Variants in TENM4 observed in about 807,000 individuals in gnomAD.
TENM4 encodes teneurin-4.
Under a neutral mutation model 243.3 loss-of-function variants are expected in TENM4, and 82 were observed. That is an observed-to-expected ratio of 0.34 (90% CI 0.28 to 0.40). The LOEUF (loss-of-function observed/expected upper bound fraction) is 0.40. Among genes scored for constraint, TENM4 ranks in the 10% least tolerant of loss-of-function variants. TENM4 has a pLI of 1.00. For synonymous variants in TENM4, 1,412 were observed against 1,456.3 expected, an observed-to-expected ratio of 0.97 and a Z score of 0.69; for missense variants, 3,138 against 3,673.3, an observed-to-expected ratio of 0.85 and a Z score of 3.77.
rs779100178 is a variant in TENM4 at position 78,729,612 on chromosome 11, C to T, written c.3170G>A (p.Cys1057Tyr). 2.5e-5 allele frequency: 41 copies of T among 1,612,644 alleles called. No individual in the cohort carries two copies. The highest frequency in any genetic ancestry group is 3.2e-5 in the Non-Finnish European group (38 of 1,179,102). ...GCTCAGGTAGCTCAGCCTCATCTTG[C>T]AGCCAGAGATAGAGATTTCCTCCTG... ...ALQEEISISG[C>Y]KMRLSYLSSR... is the part of the protein sequence containing the mutation. The change falls in exon 22 of 34, where the codon TGC (cysteine) becomes TAC (tyrosine). Residue 1057 changes from cysteine to tyrosine, a missense_variant. Coordinates refer to ENST00000278550, the MANE Select transcript of TENM4 (RefSeq NM_001098816.3).
At chr11:79,165,872 C>A (rs905935173) in intron 3 of TENM4, among the ~76,000 whole-genome samples, 2 of 152,122 alleles carry the variant, frequency 1.3e-5, no homozygotes, top group Non-Finnish European at 2.9e-5. Flanking sequence ...GACAATTATC[C>A]AAGTACCATT....
At chr11:79,311,091 T>A (rs1039481485) in intron 1 of TENM4, among the ~76,000 whole-genome samples, 2 of 152,098 alleles carry the variant, frequency 1.3e-5, no homozygotes, top group South Asian at 4.1e-4. Context: ...ACAAGACGGG[T>A]CTTGGCGAAT....
intron 4 of TENM4, among the ~76,000 whole-genome samples, chr11:79,090,418 T>C (rs531834205): frequency 6.6e-6 from 1 of 152,374 alleles, no homozygotes; most frequent in East Asian, 1.9e-4. Flanking sequence ...CAGACACCCG[T>C]GCAGAAGAAA....
intron 1 of TENM4, among the ~76,000 whole-genome samples, chr11:79,344,316 T>C (rs1035725602): frequency 2.0e-5 from 3 of 152,062 alleles, no homozygotes; most frequent in African/African-American, 4.8e-5. Context: ...TGAGGGAAGA[T>C]ACGTCTCTTC....
chr11:79,042,158 C>T (rs139061453), intron 6 of TENM4, among the ~76,000 whole-genome samples: 1 of 152,308 alleles, frequency 6.6e-6, no homozygotes, highest in African/African-American at 2.4e-5. Context: ...TAGGCTGACT[C>T]TCTTCTAAGC....
In TENM4 at chr11:78,658,079, C is replaced by T; in HGVS notation, c.8289G>A (p.Gln2763=). The part of the protein sequence containing the change: ...DSANNIHFMR[Q]SEMGRR Reference sequence around the variant, plus strand: ...TCTGTCACCTCCGGCCCATCTCGCTCTGTCTCATGAAGTGGATGTTGTTGG... The same window carrying T: ...TCTGTCACCTCCGGCCCATCTCGCTTTGTCTCATGAAGTGGATGTTGTTGG... Residue 2763 remains glutamine, a synonymous_variant, in exon 34 of 34, where the codon CAG becomes CAA. Coordinates refer to ENST00000278550, the MANE Select transcript of TENM4 (RefSeq NM_001098816.3). 1.2e-6 allele frequency: 2 copies of T among 1,614,048 alleles called. No homozygotes were observed. The highest frequency in any genetic ancestry group is 8.5e-7 in the Non-Finnish European group (1 of 1,179,902).
chr11:78,782,213 C>G (rs1591019498), intron 16 of TENM4, among the ~76,000 whole-genome samples: 1 of 150,520 alleles, frequency 6.6e-6, no homozygotes, highest in East Asian at 2.0e-4. Flanking sequence ...AGTCCCAGCA[C>G]TTTGGGAGGC....
intron 1 of TENM4, among the ~76,000 whole-genome samples, chr11:79,318,351 A>G (rs1313792375): frequency 6.6e-6 from 1 of 152,222 alleles, no homozygotes; most frequent in Non-Finnish European, 1.5e-5. Flanking sequence ...TTTCAGCTCA[A>G]TATAATGAAG....
chr11:79,401,400 C>A (rs1472111008), intron 1 of TENM4, among the ~76,000 whole-genome samples: 3 of 152,180 alleles, frequency 2.0e-5, no homozygotes, highest in African/African-American at 7.2e-5. Flanking sequence ...AACCCCGGAG[C>A]CTCAGACTCT....
intron 1 of TENM4, among the ~76,000 whole-genome samples, chr11:79,393,219 A>G (rs1858272495): frequency 6.6e-6 from 1 of 152,158 alleles, no homozygotes; most frequent in African/African-American, 2.4e-5. Flanking sequence ...TGTGGAATAT[A>G]AGAGGAGTCT....
intron 6 of TENM4, among the ~76,000 whole-genome samples, chr11:79,033,370 CT>C (rs1859295696): frequency 1.3e-5 from 2 of 152,196 alleles, no homozygotes; most frequent in African/African-American, 4.8e-5. Flanking sequence ...GAATTAAGTT[CT>C]GTTTTCCTGT....
At chr11:79,190,747 T>C (rs1863462864) in intron 3 of TENM4, among the ~76,000 whole-genome samples, 1 of 151,978 alleles carries the variant, frequency 6.6e-6, no homozygotes, top group Non-Finnish European at 1.5e-5. Flanking sequence ...TCATTATAAT[T>C]ACAGTTTAAA....
intron 12 of TENM4, among the ~76,000 whole-genome samples, chr11:78,815,494 C>T (rs1435556635): frequency 2.6e-5 from 4 of 152,308 alleles, no homozygotes; most frequent in South Asian, 4.1e-4. Context: ...CTAACTCCTC[C>T]TAATACGTTT....
chr11:78,914,855 C>G (rs141759325), intron 6 of TENM4, among the ~76,000 whole-genome samples: 1 of 152,376 alleles, frequency 6.6e-6, no homozygotes, highest in Non-Finnish European at 1.5e-5. Context: ...CAGGTCCTCA[C>G]TGGTGGAGAG....
intron 12 of TENM4, among the ~76,000 whole-genome samples, chr11:78,843,507 G>A (rs1489892303): frequency 2.0e-5 from 3 of 151,824 alleles, no homozygotes; most frequent in Non-Finnish European, 4.4e-5. Flanking sequence ...AAAAAAACAA[G>A]AAATAGTTTA....
At chr11:79,335,141 G>C (rs565225414) in intron 1 of TENM4, among the ~76,000 whole-genome samples, 89 of 152,312 alleles carry the variant, frequency 5.8e-4, no homozygotes, top group African/African-American at 2.1e-3. Context: ...GCTCCCGGAG[G>C]ACAGGGATTG....
Position 79,064,813 on chromosome 11 carries a change from G to A in TENM4, c.418C>T (p.Arg140Cys), listed in dbSNP as rs1303990981. ...GCCCGGCTGGACAGGCAGGAGCTGC[G>A]CCCTGACCGTGTGCTCCGGCCCCAC... Reference protein sequence around the residue: ...RLWGRSTRSGRSSCLSSRANS... With the variant: ...RLWGRSTRSGCSSCLSSRANS... Residue 140 changes from arginine (R) to cysteine (C), a missense_variant, in exon 6 of 34, where the codon CGC becomes TGC. Physicochemically the swap from Arg to Cys is radical, Grantham distance 180. This residue lies in a region of TENM4 where 671 missense variants were observed against 614.1 expected (regional missense o/e 1.09). Coordinates refer to ENST00000278550, the MANE Select transcript of TENM4 (RefSeq NM_001098816.3). 22 of 1,551,462 alleles carry A rather than the reference G, an allele frequency of 1.4e-5. No individual in the cohort carries two copies. The highest frequency in any genetic ancestry group is 5.9e-5 in the Admixed American group (3 of 50,992).
In TENM4 at chr11:78,668,725, G is replaced by T. The variant is rs186111938; in HGVS notation, c.7408+212C>A. On this transcript the variant is annotated intron_variant, in intron 32 of 33. Transcript: ENST00000278550. Reference sequence around the variant, plus strand: ...GTACTATGAAAATGTAATAATGGTGGTGACCCTGACAAATTTATTTGATGC... The same window carrying T: ...GTACTATGAAAATGTAATAATGGTGTTGACCCTGACAAATTTATTTGATGC... 2.8e-3 allele frequency among the ~76,000 whole-genome samples: 425 copies of T among 152,254 alleles called. 5 individuals carry two copies. The highest frequency in any genetic ancestry group is 2.5e-4 in the Non-Finnish European group (17 of 68,014).
At chr11:78,910,123 A>G (rs1856152943) in intron 6 of TENM4, among the ~76,000 whole-genome samples, 1 of 152,172 alleles carries the variant, frequency 6.6e-6, no homozygotes, top group Non-Finnish European at 1.5e-5. Flanking sequence ...CAATCATGTC[A>G]ATAGCCCTGT....
Sources: allele counts gnomAD v4.1 joint callset (sites outside exome capture counted in the v4.1 genomes callset), GRCh38; gene constraint gnomAD v4.1.1; regional missense constraint gnomAD v4.1.1; transcripts MANE v1.5; gene names NCBI Gene and HGNC (gene_info 2026-07-23, HGNC 2026-07-21).